The following ADARB2 variants were observed in gnomAD, a reference collection of about 807,000 sequenced individuals.
The protein encoded by ADARB2 is inactive double-stranded RNA-specific editase B2.
Under a neutral mutation model 62.2 loss-of-function variants are expected in ADARB2, and 25 were observed. The observed-to-expected ratio is 0.40, with a 90% CI of 0.29 to 0.56. The LOEUF (loss-of-function observed/expected upper bound fraction) is 0.56. Among genes scored for constraint, ADARB2 ranks in the 20% least tolerant of loss-of-function variants. The pLI, the probability that ADARB2 is intolerant of heterozygous loss-of-function variation, is 0.43. For synonymous variants in ADARB2, 572 were observed against 500.8 expected (o/e 1.14, Z -1.90); for missense variants, 1,071 against 1,077.4 (o/e 0.99, Z 0.08).
chr10:1,390,907 G>C (rs1832564228), intron 1 of ADARB2, among the ~76,000 whole-genome samples: 1 of 152,176 alleles, frequency 6.6e-6, no homozygotes, highest in Non-Finnish European at 1.5e-5. Context: ...CCATTTCCAA[G>C]ACAACGTGCC....
intron 4 of ADARB2, among the ~76,000 whole-genome samples, chr10:1,250,590 A>G (rs1291886895): frequency 6.6e-6 from 1 of 152,000 alleles, no homozygotes; most frequent in African/African-American, 2.4e-5. Flanking sequence ...CTTCTCCATC[A>G]TGTTATGATG....
intron 1 of ADARB2, among the ~76,000 whole-genome samples, chr10:1,496,365 C>T (rs1009890818): frequency 6.6e-6 from 1 of 151,452 alleles, no homozygotes; most frequent in Non-Finnish European, 1.5e-5. Context: ...GTCATCAGCA[C>T]CACCATCATC....
At chr10:1,295,863 A>C (rs1237482160) in intron 3 of ADARB2, among the ~76,000 whole-genome samples, 1 of 152,226 alleles carries the variant, frequency 6.6e-6, no homozygotes, top group East Asian at 1.9e-4. Flanking sequence ...GTAGTAGGAA[A>C]AGGTGGCCTA....
chr10:1,730,514 GC>G (rs2119046414), intron 1 of ADARB2, among the ~76,000 whole-genome samples: 1 of 152,200 alleles, frequency 6.6e-6, no homozygotes, highest in Admixed American at 6.5e-5. Context: ...GCTCAACGAA[GC>G]CACCTGAATG....
chr10:1,376,212 G>A (rs1161043580), intron 2 of ADARB2, among the ~76,000 whole-genome samples: 2 of 152,214 alleles, frequency 1.3e-5, no homozygotes, highest in Non-Finnish European at 2.9e-5. Context: ...GTTTGTCTTT[G>A]AACAATCTAT....
intron 1 of ADARB2, among the ~76,000 whole-genome samples, chr10:1,653,483 C>T (rs1031559867): frequency 3.3e-5 from 5 of 152,320 alleles, no homozygotes; most frequent in Middle Eastern, 3.4e-3. Flanking sequence ...TCTTGGTCAG[C>T]GCTCTCCACC....
chr10:1,389,025 G>T (rs920615373), intron 1 of ADARB2, among the ~76,000 whole-genome samples: 4 of 152,158 alleles, frequency 2.6e-5, no homozygotes, highest in East Asian at 1.9e-4. Flanking sequence ...TTCAACAAAG[G>T]TACCAAAGCA....
intron 6 of ADARB2, among the ~76,000 whole-genome samples, chr10:1,222,124 T>A (rs1191481464): frequency 1.3e-5 from 2 of 152,228 alleles, no homozygotes; most frequent in African/African-American, 2.4e-5. Context: ...TGGTGTGAGA[T>A]GGTATCTCAT....
At chr10:1,428,048 G>A (rs143808535) in intron 1 of ADARB2, among the ~76,000 whole-genome samples, 1,531 of 149,548 alleles carry the variant, frequency 0.01, 29 homozygotes, top group African/African-American at 0.035. Context: ...TCGGCTCACT[G>A]CAACCTCTGC....
At position 1,666,150 on chromosome 10, in the gene ADARB2, G is replaced by C. The variant is rs989304451; in HGVS notation, c.100+70901C>G. On this transcript the variant is annotated intron_variant, in intron 1 of 9. Transcript: ENST00000381312. ...AGATGGCACCGCTATAAAATGCCAC[G>C]AGAGGTGCGCACAAGGGTTCAGGGC... 2.0e-5 allele frequency among the ~76,000 whole-genome samples: 3 copies of C among 152,206 alleles called. No individual in the cohort carries two copies. The East Asian group carries it at 5.8e-4, about 29-fold the overall frequency.
intron 1 of ADARB2, among the ~76,000 whole-genome samples, chr10:1,486,210 CTGTGTGTG>C (rs61283089): frequency 0.015 from 2,088 of 142,944 alleles, 47 homozygotes; most frequent in African/African-American, 0.048. Flanking sequence ...GTGTGGACGC[CTGTGTGTG>C]TGTGTGTGTG....
At chr10:1,265,561 CG>C (rs1261401345) in intron 4 of ADARB2, among the ~76,000 whole-genome samples, 1 of 147,176 alleles carries the variant, frequency 6.8e-6, no homozygotes, top group Non-Finnish European at 1.5e-5. Context: ...CAGGCTCTCC[CG>C]GAAGACGGCC....
At chr10:1,341,230 T>C (rs1396600108) in intron 3 of ADARB2, among the ~76,000 whole-genome samples, 1,689 of 38,774 alleles carry the variant, frequency 0.044, no homozygotes, top group Middle Eastern at 0.062. Context: ...TGCCCCACAG[T>C]GGCAATAACC....
rs144407677 is a variant in ADARB2, at chr10:1,692,980, A to G, written c.100+44071T>C. ...TCATGCAGCCTCTAACCTATACTGG[A>G]CCTCCCCACCCTCCAGGTGCTAGTC... On this transcript the variant is annotated intron_variant, in intron 1 of 9. Coordinates refer to ENST00000381312, the MANE Select transcript of ADARB2 (RefSeq NM_018702.4). 4.5e-3 allele frequency among the ~76,000 whole-genome samples: 678 copies of G among 151,884 alleles called. 4 individuals are homozygous for G. Among genetic ancestry groups the G allele is most frequent in the African/African-American group, 0.015 (619 of 41,392 alleles).
chr10:1,303,777 C>G (rs1345207609), intron 3 of ADARB2, among the ~76,000 whole-genome samples: 2 of 152,096 alleles, frequency 1.3e-5, no homozygotes, highest in African/African-American at 4.8e-5. Flanking sequence ...CCAAACTAAG[C>G]TTCATAAGTG....
intron 1 of ADARB2, among the ~76,000 whole-genome samples, chr10:1,384,382 G>A (rs762872171): frequency 2.0e-5 from 3 of 152,178 alleles, no homozygotes; most frequent in Non-Finnish European, 4.4e-5. Flanking sequence ...CCTCCAAAGT[G>A]AGTCTGGAGA....
intron 1 of ADARB2, among the ~76,000 whole-genome samples, chr10:1,680,481 A>G (rs1442167216): frequency 6.6e-6 from 1 of 152,122 alleles, no homozygotes; most frequent in Non-Finnish European, 1.5e-5. Flanking sequence ...ATCACCTGCC[A>G]GGACTCCCGG....
intron 4 of ADARB2, among the ~76,000 whole-genome samples, chr10:1,262,146 G>T (rs1222992786): frequency 0.014 from 1,479 of 104,774 alleles, 19 homozygotes; most frequent in Non-Finnish European, 0.021. Flanking sequence ...CTGTGGTGGG[G>T]TGGGGGGAGG....
At chr10:1,669,367 A>AC (rs2119098758) in intron 1 of ADARB2, among the ~76,000 whole-genome samples, 1 of 152,272 alleles carries the variant, frequency 6.6e-6, no homozygotes, top group African/African-American at 2.4e-5. Flanking sequence ...AGCTACCACC[A>AC]CCCACCTGCC....
Sources: allele counts gnomAD v4.1 joint callset (sites outside exome capture counted in the v4.1 genomes callset), GRCh38; gene constraint gnomAD v4.1.1; transcripts MANE v1.5; gene names NCBI Gene and HGNC (gene_info 2026-07-23, HGNC 2026-07-21).